Variants in LRRC7 observed in about 807,000 individuals in gnomAD.
The protein encoded by LRRC7 is leucine-rich repeat-containing protein 7.
In LRRC7, 23 loss-of-function variants were observed where a neutral mutation model predicts 175.7. The ratio of observed to expected loss-of-function variants is 0.13; its 90% CI spans 0.09 to 0.19. LRRC7 has a LOEUF of 0.19. Among genes scored for constraint, LRRC7 ranks in the 10% least tolerant of loss-of-function variants. The probability of loss-of-function intolerance (pLI) is 1.00; values close to 1 mark genes in which losing one functional copy is unlikely to be tolerated. For synonymous variants in LRRC7, 685 were observed against 680.9 expected (o/e 1.01, Z -0.09); for missense variants, 1,354 against 1,904.7 (o/e 0.71, Z 5.38).
At chr1:69,944,345 A>G (rs1486225335) in intron 8 of LRRC7, among the ~76,000 whole-genome samples, 2 of 152,124 alleles carry the variant, frequency 1.3e-5, no homozygotes, top group South Asian at 4.1e-4. Context: ...TTACATATAT[A>G]TGCTACTCAT....
intron 2 of LRRC7, among the ~76,000 whole-genome samples, chr1:69,732,994 T>G (rs1667743262): frequency 6.6e-6 from 1 of 151,968 alleles, no homozygotes; most frequent in Non-Finnish European, 1.5e-5. Flanking sequence ...AGAGATTCAG[T>G]GTAAGAAGAA....
chr1:70,081,785 G>A (rs995362062), intron 24 of LRRC7, among the ~76,000 whole-genome samples: 1 of 152,172 alleles, frequency 6.6e-6, no homozygotes, highest in Non-Finnish European at 1.5e-5. Context: ...ATATCAAAAT[G>A]GCAGGAGCCC....
intron 1 of LRRC7, among the ~76,000 whole-genome samples, chr1:69,671,499 C>T (rs79275299): frequency 0.021 from 3,222 of 152,224 alleles, 110 homozygotes; most frequent in African/African-American, 0.072. Flanking sequence ...CCTTAGCCAA[C>T]CAGTTGGTAT....
At chr1:69,672,750 T>G (rs886443826) in intron 1 of LRRC7, among the ~76,000 whole-genome samples, 30 of 152,310 alleles carry the variant, frequency 2.0e-4, no homozygotes, top group Middle Eastern at 3.4e-3. Flanking sequence ...CTAGCCACAC[T>G]GCCATCTCAG....
intron 26 of LRRC7, among the ~76,000 whole-genome samples, chr1:70,119,340 T>G (rs1011064084): frequency 6.6e-6 from 1 of 152,058 alleles, no homozygotes; most frequent in Non-Finnish European, 1.5e-5. Context: ...TCAGCATATA[T>G]GTACTGAGGG....
intron 25 of LRRC7, among the ~76,000 whole-genome samples, chr1:70,100,163 CA>C (rs1433701410): frequency 6.6e-6 from 1 of 151,844 alleles, no homozygotes; most frequent in Non-Finnish European, 1.5e-5. Flanking sequence ...ATAAAGTAAC[CA>C]AAACCAAACA....
chr1:69,874,562 C>T (rs1030766795), intron 7 of LRRC7: 1 of 152,104 alleles, frequency 6.6e-6, no homozygotes, highest in East Asian at 1.9e-4. Context: ...GTGAGCAGGA[C>T]ACATTGCACT....
intron 11 of LRRC7, among the ~76,000 whole-genome samples, chr1:69,996,389 C>A (rs1253789345): frequency 3.9e-5 from 6 of 152,148 alleles, no homozygotes; most frequent in Admixed American, 3.3e-4. Flanking sequence ...TTTTGCTGTG[C>A]AGAAGCTCTT....
chr1:69,987,879 T>C (rs1392150270), intron 10 of LRRC7, among the ~76,000 whole-genome samples: 1 of 152,208 alleles, frequency 6.6e-6, no homozygotes, highest in East Asian at 1.9e-4. Flanking sequence ...CAATCATGGG[T>C]CTTAACTGAG....
intron 1 of LRRC7, among the ~76,000 whole-genome samples, chr1:69,623,803 G>T (rs1651045645): frequency 6.6e-6 from 1 of 152,040 alleles, no homozygotes; most frequent in Non-Finnish European, 1.5e-5. Context: ...ACCCACCTCG[G>T]CCTCCCAAAG....
At chr1:70,004,985 A>G (rs1304367201) in intron 11 of LRRC7, among the ~76,000 whole-genome samples, 4 of 152,146 alleles carry the variant, frequency 2.6e-5, no homozygotes. Context: ...ATATCGCAGG[A>G]CAACTTTTAC....
chr1:69,632,308 A>G (rs1171275671), intron 1 of LRRC7, among the ~76,000 whole-genome samples: 1 of 152,160 alleles, frequency 6.6e-6, no homozygotes, highest in Non-Finnish European at 1.5e-5. Context: ...TGAGGATAGG[A>G]CACAGTTTTG....
intron 7 of LRRC7, among the ~76,000 whole-genome samples, chr1:69,856,342 T>C (rs9662816): frequency 0.37 from 55,794 of 151,796 alleles, 12,568 homozygotes; most frequent in East Asian, 0.55. Flanking sequence ...TTTGAAAAGA[T>C]CAACAAAATT....
At position 70,030,755 on chromosome 1, in the gene LRRC7, G is replaced by A. The variant is rs560059725; in HGVS notation, c.1995+2384G>A. Among the ~76,000 whole-genome samples the A allele has an allele frequency of 3.3e-5, 5 of 152,100 alleles. No individual in the cohort carries two copies. The South Asian group carries it at 6.2e-4, about 19-fold the overall frequency. ...GTAGGCATGACCAGAAGTGGAAAACGGAAAAAATAAATAAGGTAAAAAGAT... is the reference window on the plus strand; with the variant it reads ...GTAGGCATGACCAGAAGTGGAAAACAGAAAAAATAAATAAGGTAAAAAGAT... On this transcript the variant is annotated intron_variant, in intron 18 of 26. Transcript: ENST00000651989.
At chr1:69,989,542 G>T (rs1292623069) in intron 10 of LRRC7, among the ~76,000 whole-genome samples, 3 of 151,952 alleles carry the variant, frequency 2.0e-5, no homozygotes, top group African/African-American at 7.3e-5. Context: ...ACAGTGCTGA[G>T]GAACAGAACA....
intron 1 of LRRC7, among the ~76,000 whole-genome samples, chr1:69,637,080 T>TCTCTCTCTCTCTCTCTCTCTCTCTC (rs1553130024): frequency 2.0e-5 from 3 of 148,586 alleles, no homozygotes; most frequent in Admixed American, 6.8e-5. Context: ...CCTTCTCTCT[T>TCTCTCTCTCTCTCTCTCTCTCTCTC]TCTCTCTCTC....
intron 23 of LRRC7, among the ~76,000 whole-genome samples, chr1:70,068,551 T>G (rs1252047475): frequency 6.6e-6 from 1 of 152,116 alleles, no homozygotes; most frequent in Non-Finnish European, 1.5e-5. Flanking sequence ...GGATATTGGT[T>G]TATAGTGGTT....
chr1:69,915,539 AG>A (rs781603484), intron 7 of LRRC7, among the ~76,000 whole-genome samples: 12 of 152,162 alleles, frequency 7.9e-5, no homozygotes, highest in Non-Finnish European at 1.5e-4. Flanking sequence ...ATAAACAGGA[AG>A]TAGTTTAAAC....
intron 9 of LRRC7, among the ~76,000 whole-genome samples, chr1:69,983,057 A>AAC (rs1053383033): frequency 2.2e-4 from 34 of 152,322 alleles, no homozygotes; most frequent in Admixed American, 1.4e-3. Flanking sequence ...ACAAAAAAGA[A>AAC]ACACACACAC....
Sources: allele counts gnomAD v4.1 joint callset (sites outside exome capture counted in the v4.1 genomes callset), GRCh38; gene constraint gnomAD v4.1.1; transcripts MANE v1.5; gene names NCBI Gene and HGNC (gene_info 2026-07-23, HGNC 2026-07-21).